Variants in PNPLA1 observed in about 807,000 individuals in gnomAD.
PNPLA1 encodes the protein patatin like domain 1, omega-hydroxyceramide transacylase.
Under a neutral mutation model 51.7 loss-of-function variants are expected in PNPLA1, and 36 were observed. The ratio of observed to expected loss-of-function variants is 0.70; its 90% confidence interval spans 0.53 to 0.92. The LOEUF (loss-of-function observed/expected upper bound fraction) is 0.92, where lower values mean the gene tolerates loss of function less well. Ranked by LOEUF, PNPLA1 falls within the 40% of genes least tolerant of loss-of-function variation. The pLI, the probability that PNPLA1 is intolerant of heterozygous loss-of-function variation, is 0.00. For synonymous variants in PNPLA1, 293 were observed against 280.1 expected (o/e 1.05, Z -0.46); for missense variants, 658 against 682.5 (o/e 0.96, Z 0.40).
At chr6:36,278,931 G>T (rs143558897) in intron 1 of PNPLA1, among the ~76,000 whole-genome samples, 1 of 152,172 alleles carries the variant, frequency 6.6e-6, no homozygotes, top group African/African-American at 2.4e-5. Flanking sequence ...GTCAGCATGC[G>T]TGCTCAAAGG....
chr6:36,271,718 G>A (rs1024742359), intron 1 of PNPLA1, among the ~76,000 whole-genome samples: 1 of 152,170 alleles, frequency 6.6e-6, no homozygotes, highest in Admixed American at 6.5e-5. Flanking sequence ...GAGCAGCCAC[G>A]AAGCCTGCGG....
intron 1 of PNPLA1, among the ~76,000 whole-genome samples, chr6:36,255,969 C>A (rs1769523891): frequency 6.6e-6 from 1 of 152,122 alleles, no homozygotes; most frequent in African/African-American, 2.4e-5. Flanking sequence ...CTTTGAGTAC[C>A]AAGAGTTTCC....
At chr6:36,251,617 C>T (rs1561846406) in intron 1 of PNPLA1, among the ~76,000 whole-genome samples, 2 of 152,076 alleles carry the variant, frequency 1.3e-5, no homozygotes, top group South Asian at 4.1e-4. Context: ...CTTGTTATTC[C>T]AAGCTACTGG....
At chr6:36,251,982 C>T (rs1255025280) in intron 1 of PNPLA1, among the ~76,000 whole-genome samples, 1 of 152,106 alleles carries the variant, frequency 6.6e-6, no homozygotes, top group Admixed American at 6.5e-5. Flanking sequence ...CTGACTAATG[C>T]AATGAATGAA....
rs902033555 is a variant in PNPLA1, at chr6:36,270,633, C to T, written c.174C>T (p.Ile58=). Residue 58 remains isoleucine (I), a synonymous_variant, in exon 1 of 9, where the codon ATC becomes ATT. Coordinates refer to ENST00000636260, the MANE Select transcript of PNPLA1 (RefSeq NM_001374623.1). ...CGGGGACATCGGCAGGTGCTGTGATCGCCGCCCTGGCCATCTGCGGGATTG... is the reference window on the plus strand; with the variant it reads ...CGGGGACATCGGCAGGTGCTGTGATTGCCGCCCTGGCCATCTGCGGGATTG... ...RFAGTSAGAV[I]AALAICGIEM... The T allele has an allele frequency of 4.5e-6, 7 of 1,551,092 alleles. No homozygotes were observed. The highest frequency in any genetic ancestry group is 3.6e-5 in the South Asian group (3 of 84,050).
intron 1 of PNPLA1, among the ~76,000 whole-genome samples, chr6:36,280,120 T>C (rs937499040): frequency 6.6e-6 from 1 of 152,184 alleles, no homozygotes; most frequent in Admixed American, 6.5e-5. Flanking sequence ...GCAGGAGAAT[T>C]GTGTGAACCC....
At chr6:36,248,662 G>T (rs1017408554) in intron 1 of PNPLA1, among the ~76,000 whole-genome samples, 2 of 152,084 alleles carry the variant, frequency 1.3e-5, no homozygotes, top group African/African-American at 4.8e-5. Context: ...GGGATTACAG[G>T]CACATGCCAC....
At chr6:36,297,080 G>A (rs554696278) in intron 5 of PNPLA1, among the ~76,000 whole-genome samples, 2 of 152,274 alleles carry the variant, frequency 1.3e-5, no homozygotes, top group Admixed American at 1.3e-4. Flanking sequence ...CTACTGCTGG[G>A]TGAAATCTGA....
At chr6:36,276,407 G>A (rs758607884) in intron 1 of PNPLA1, among the ~76,000 whole-genome samples, 11 of 152,090 alleles carry the variant, frequency 7.2e-5, no homozygotes, top group Non-Finnish European at 1.6e-4. Flanking sequence ...TCTGTGACTA[G>A]GCCAGTTCAA....
intron 5 of PNPLA1, among the ~76,000 whole-genome samples, chr6:36,299,335 G>GTTTTTTTTTTTTTTTTTTT (rs767505825): frequency 1.7e-5 from 1 of 58,772 alleles, no homozygotes; most frequent in South Asian, 4.9e-4. Flanking sequence ...TTTTTTGTCT[G>GTTTTTTTTTTTTTTTTTTT]TTTTTTTTTT....
chr6:36,305,146 A>G (rs1274877437), intron 6 of PNPLA1, among the ~76,000 whole-genome samples: 1 of 152,232 alleles, frequency 6.6e-6, no homozygotes. Flanking sequence ...GCACCAGTCT[A>G]TAAAAAATTC....
At chr6:36,293,188 T>C in intron 3 of PNPLA1, 62 bp downstream of exon 3, 1 of 1,512,760 alleles carries the variant, frequency 6.6e-7, no homozygotes, top group Non-Finnish European at 9.2e-7. Context: ...TCCCTGTGAC[T>C]CACACCTGGG....
intron 5 of PNPLA1, among the ~76,000 whole-genome samples, chr6:36,298,060 T>A (rs772401668): frequency 3.9e-4 from 59 of 152,324 alleles, no homozygotes; most frequent in East Asian, 9.6e-4. Context: ...AACTCTTTTT[T>A]AAAAATCTGA....
chr6:36,286,112 G>T (rs1486976771), intron 1 of PNPLA1, among the ~76,000 whole-genome samples: 1 of 152,226 alleles, frequency 6.6e-6, no homozygotes, highest in African/African-American at 2.4e-5. Context: ...CATTTACTAT[G>T]TGCTGGCACT....
intron 1 of PNPLA1, among the ~76,000 whole-genome samples, chr6:36,264,866 C>G (rs1561851248): frequency 6.6e-6 from 1 of 152,184 alleles, no homozygotes; most frequent in African/African-American, 2.4e-5. Context: ...TCAACTGTGC[C>G]CATCTCAGCT....
intron 1 of PNPLA1, among the ~76,000 whole-genome samples, chr6:36,282,075 A>T (rs1244804530): frequency 7.5e-6 from 1 of 132,852 alleles, no homozygotes; most frequent in Non-Finnish European, 1.6e-5. Context: ...GAAAGAAAGA[A>T]AGAAAGAAAG....
intron 1 of PNPLA1, among the ~76,000 whole-genome samples, chr6:36,286,809 G>A (rs1770502458): frequency 6.6e-6 from 1 of 151,990 alleles, no homozygotes; most frequent in Admixed American, 6.5e-5. Flanking sequence ...CTCCTGAGTA[G>A]CTGGGACTAC....
chr6:36,275,692 T>C (rs1770069169), intron 1 of PNPLA1, among the ~76,000 whole-genome samples: 1 of 152,168 alleles, frequency 6.6e-6, no homozygotes, highest in African/African-American at 2.4e-5. Flanking sequence ...ACAAGCAATC[T>C]CCTCCTCTTC....
intron 1 of PNPLA1, among the ~76,000 whole-genome samples, chr6:36,250,960 C>A (rs1220874334): frequency 6.6e-6 from 1 of 152,174 alleles, no homozygotes; most frequent in African/African-American, 2.4e-5. Context: ...CCTCGGCCTC[C>A]CAAAGTGCTG....
Sources: gnomAD v4.1 joint callset for allele counts (sites outside exome capture counted in the v4.1 genomes callset) on GRCh38, gnomAD v4.1.1 for gene constraint, MANE v1.5 for transcripts, NCBI Gene and HGNC (gene_info 2026-07-23, HGNC 2026-07-21) for gene names.